Variants in ZNF292 observed in about 807,000 individuals in gnomAD.
ZNF292 encodes 16 zinc-finger domain protein.
Under a neutral mutation model 217.9 loss-of-function variants are expected in ZNF292, and 26 were observed. That is an observed-to-expected ratio of 0.12 (90% CI 0.09 to 0.17). ZNF292 has a LOEUF of 0.17. ZNF292 is among the 10% of genes least tolerant of loss of function. ZNF292 has a pLI of 1.00. For missense variants in ZNF292, 2,904 were observed against 3,175.2 expected, an observed-to-expected ratio of 0.91 and a Z score of 2.05; for synonymous variants, 1,257 against 1,124.1, an observed-to-expected ratio of 1.12 and a Z score of -2.37.
At position 87,255,576 on chromosome 6, in the gene ZNF292, T is replaced by C. The variant is rs776836486; in HGVS notation, c.1947T>C (p.Asn649=). ...SLYSTDFIVF[N]DNDGSDDEND... ...ATTCAACAGATTTTATAGTGTTTAA[T>C]GACAATGATGGTTCAGATGATGAGA... is the stretch of plus-strand genomic sequence containing the variant. Residue 649 remains asparagine (N), a synonymous_variant, in exon 8 of 8, where the codon AAT becomes AAC. Transcript: ENST00000369577. 6.2e-7 allele frequency: 1 copy of C among 1,610,836 alleles called. No homozygotes were observed. Among genetic ancestry groups the C allele is most frequent in the Non-Finnish European group, 8.5e-7 (1 of 1,178,180 alleles).
rs369254751 is a variant in ZNF292, at chr6:87,257,744, A to G, written c.4115A>G (p.Asp1372Gly). The change falls in exon 8 of 8, where the codon GAT becomes GGT. Residue 1372 changes from aspartate to glycine, a missense_variant. By Grantham distance (94) the Asp-to-Gly change is moderately conservative. Coordinates refer to ENST00000369577, the MANE Select transcript of ZNF292 (RefSeq NM_015021.3). ...GCTAAATGGCCTGCAATTATCAGAG[A>G]TGGGAAATTTATCTGTAGCAGGTGT... The part of the protein sequence containing the change: ...KRAKWPAIIR[D>G]GKFICSRCYR... 6.2e-7 allele frequency: 1 copy of G among 1,613,594 alleles called. No individual in the cohort carries two copies. Among genetic ancestry groups the G allele is most frequent in the Non-Finnish European group, 8.5e-7 (1 of 1,179,780 alleles).
rs1295170956 is a variant in ZNF292 at position 87,216,285 on chromosome 6, T to A, written c.324-14T>A. 6.4e-7 allele frequency: 1 copy of A among 1,562,280 alleles called. No homozygotes were observed. The highest frequency in any genetic ancestry group is 2.3e-5 in the East Asian group (1 of 42,698). Reference sequence around the variant, plus strand: ...AATAATTATTCCTCTCCTTACCAACTTTTTGTTTTTTAGAAGCTGTGTTGA... The same window carrying A: ...AATAATTATTCCTCTCCTTACCAACATTTTGTTTTTTAGAAGCTGTGTTGA... On this transcript the variant is annotated splice_polypyrimidine_tract_variant and intron_variant, in intron 2 of 7. Coordinates refer to ENST00000369577, the MANE Select transcript of ZNF292 (RefSeq NM_015021.3).
Position 87,260,126 on chromosome 6 carries a change from A to T in ZNF292, c.6497A>T (p.Lys2166Ile). Reference protein sequence around the residue: ...AGKESEETETKQTLKEFRCQV... With the variant: ...AGKESEETETIQTLKEFRCQV... ...AAAGAAAGTGAAGAAACTGAAACTA[A>T]ACAAACTTTGAAAGAATTTCGATGT... The change falls in exon 8 of 8, where the codon AAA (lysine) becomes ATA (isoleucine). Residue 2166 changes from lysine to isoleucine, a missense_variant. Coordinates refer to ENST00000369577, the MANE Select transcript of ZNF292 (RefSeq NM_015021.3). 1 of 1,613,500 alleles carries T rather than the reference A, an allele frequency of 6.2e-7. No homozygotes were observed.
At chr6:87,223,855 G>A (rs887367575) in intron 4 of ZNF292, 7 of 152,258 alleles carry the variant, frequency 4.6e-5, no homozygotes, top group South Asian at 2.1e-4. Context: ...GGAATCAACC[G>A]TTTCTCTAGG....
At chr6:87,175,202 TC>T in intron 1 of ZNF292, among the ~76,000 whole-genome samples, 1 of 152,336 alleles carries the variant, frequency 6.6e-6, no homozygotes, top group African/African-American at 2.4e-5. Flanking sequence ...ATGTGAAACT[TC>T]TCCTTCCTAA....
At chr6:87,240,657 G>A (rs1447968982) in intron 5 of ZNF292, among the ~76,000 whole-genome samples, 8 of 152,158 alleles carry the variant, frequency 5.3e-5, no homozygotes, top group African/African-American at 1.2e-4. Context: ...CTGACCTCAC[G>A]TGATCCACCC....
chr6:87,155,805 G>T (rs766196225), intron 1 of ZNF292, 46 bp downstream of exon 1: 1 of 1,516,048 alleles, frequency 6.6e-7, no homozygotes, highest in South Asian at 1.3e-5. Context: ...AGCTAGAGGG[G>T]GAAGAGGGCG....
intron 3 of ZNF292, among the ~76,000 whole-genome samples, 168 bp from the exon 4 acceptor site, chr6:87,218,428 T>C (rs1001369280): frequency 1.3e-5 from 2 of 152,194 alleles, no homozygotes; most frequent in Non-Finnish European, 2.9e-5. Flanking sequence ...GTATTTCTTA[T>C]CCTTGAAATT....
At chr6:87,185,083 C>A (rs1456630323) in intron 1 of ZNF292, among the ~76,000 whole-genome samples, 3 of 152,164 alleles carry the variant, frequency 2.0e-5, no homozygotes, top group African/African-American at 7.2e-5. Flanking sequence ...ATTCCTTAAT[C>A]CAGTCAAGTT....
intron 5 of ZNF292, among the ~76,000 whole-genome samples, chr6:87,242,196 T>G (rs1774325745): frequency 6.6e-6 from 1 of 152,220 alleles, no homozygotes; most frequent in African/African-American, 2.4e-5. Context: ...TATAAAGATT[T>G]GTTGAAAAAG....
At chr6:87,168,289 G>C (rs1300565918) in intron 1 of ZNF292, among the ~76,000 whole-genome samples, 1 of 152,156 alleles carries the variant, frequency 6.6e-6, no homozygotes, top group Non-Finnish European at 1.5e-5. Context: ...ATGACCCAGT[G>C]TCATCAAAAA....
intron 1 of ZNF292, among the ~76,000 whole-genome samples, chr6:87,177,223 A>G (rs1445643071): frequency 6.6e-6 from 1 of 151,890 alleles, no homozygotes; most frequent in Non-Finnish European, 1.5e-5. Flanking sequence ...GCTACTCAGG[A>G]TGCTGAGGCA....
chr6:87,200,446 T>C (rs555707248), intron 1 of ZNF292, among the ~76,000 whole-genome samples: 3 of 151,982 alleles, frequency 2.0e-5, no homozygotes, highest in African/African-American at 4.8e-5. Context: ...TCCCTTTCTA[T>C]GTTATGTACT....
intron 7 of ZNF292, chr6:87,249,293 A>AT (rs889885127): frequency 1.3e-5 from 4 of 306,372 alleles, no homozygotes; most frequent in African/African-American, 6.7e-5. Context: ...CACTTGGCTA[A>AT]TTTTTTTATT....
At chr6:87,184,171 A>G (rs1396789556) in intron 1 of ZNF292, among the ~76,000 whole-genome samples, 1 of 152,250 alleles carries the variant, frequency 6.6e-6, no homozygotes, top group Non-Finnish European at 1.5e-5. Context: ...AAATGATGTG[A>G]AGATGAAAGA....
Position 87,195,047 on chromosome 6 carries a change from A to G in ZNF292, c.169-20856A>G, listed in dbSNP as rs535628132. 4.6e-5 allele frequency among the ~76,000 whole-genome samples: 7 copies of G among 152,328 alleles called. 1 individual carries two copies. The East Asian group carries it at 7.7e-4, about 17-fold the overall frequency. On this transcript the variant is annotated intron_variant, in intron 1 of 7. Coordinates refer to ENST00000369577, the MANE Select transcript of ZNF292 (RefSeq NM_015021.3). Reference sequence around the variant, plus strand: ...GGGAAATTATCTAAATGTAATAAGGACTAAGTTTTAGAAAGTAATAGGACA... The same window carrying G: ...GGGAAATTATCTAAATGTAATAAGGGCTAAGTTTTAGAAAGTAATAGGACA...
intron 5 of ZNF292, 193 bp downstream of exon 5, chr6:87,233,720 A>G: frequency 1.1e-6 from 1 of 878,846 alleles, no homozygotes; most frequent in African/African-American, 1.8e-5. Context: ...GATTGCACCT[A>G]GTTTCTGTTT....
At chr6:87,192,400 T>G (rs1428078231) in intron 1 of ZNF292, among the ~76,000 whole-genome samples, 1 of 152,078 alleles carries the variant, frequency 6.6e-6, no homozygotes, top group African/African-American at 2.4e-5. Flanking sequence ...ATAACTTTTT[T>G]GGTAAGTTTC....
At chr6:87,207,723 A>G (rs1056043998) in intron 1 of ZNF292, among the ~76,000 whole-genome samples, 5 of 152,162 alleles carry the variant, frequency 3.3e-5, no homozygotes, top group African/African-American at 4.8e-5. Context: ...TTTATCACCA[A>G]TTCAATCCAA....
Sources: gnomAD v4.1 joint callset for allele counts (sites outside exome capture counted in the v4.1 genomes callset) on GRCh38, gnomAD v4.1.1 for gene constraint, MANE v1.5 for transcripts, NCBI Gene and HGNC (gene_info 2026-07-23, HGNC 2026-07-21) for gene names.